The following CDK14 variants were observed in gnomAD, a reference collection of about 807,000 sequenced individuals.
CDK14 encodes the protein cyclin-dependent kinase 14.
Under a neutral mutation model 60.7 loss-of-function variants are expected in CDK14, and 34 were observed. That is an observed-to-expected ratio of 0.56 (90% CI 0.43 to 0.75). The LOEUF is 0.75. Among genes scored for constraint, CDK14 ranks in the 30% least tolerant of loss-of-function variants. The probability of loss-of-function intolerance (pLI) is 0.00; values close to 1 mark genes in which losing one functional copy is unlikely to be tolerated. For missense variants in CDK14, 482 were observed against 564.1 expected, an observed-to-expected ratio of 0.85 and a Z score of 1.47; for synonymous variants, 197 against 203.7, an observed-to-expected ratio of 0.97 and a Z score of 0.28.
chr7:91,173,316 G>C (rs1409842696), intron 14 of CDK14, among the ~76,000 whole-genome samples: 3 of 152,044 alleles, frequency 2.0e-5, no homozygotes, highest in Non-Finnish European at 2.9e-5. Flanking sequence ...TCCAGTTTTG[G>C]GGTGCGATGG....
intron 2 of CDK14, among the ~76,000 whole-genome samples, chr7:90,620,391 CTG>C (rs1312816659): frequency 6.6e-6 from 1 of 152,124 alleles, no homozygotes; most frequent in African/African-American, 2.4e-5. Flanking sequence ...AGCTGAAACT[CTG>C]TGCTCTCCAG....
chr7:90,696,344 T>TCTTCC (rs1367046221), intron 2 of CDK14, among the ~76,000 whole-genome samples: 2 of 133,352 alleles, frequency 1.5e-5, no homozygotes, highest in African/African-American at 5.6e-5. Context: ...TTCTTTTTTT[T>TCTTCC]TTTTTTTTTT....
At chr7:91,115,697 A>T (rs1474142570) in intron 13 of CDK14, among the ~76,000 whole-genome samples, 2 of 152,210 alleles carry the variant, frequency 1.3e-5, no homozygotes, top group African/African-American at 4.8e-5. Context: ...GGCCTAGTGT[A>T]ATATGTCAGA....
chr7:90,941,118 T>G (rs988101001), intron 8 of CDK14, among the ~76,000 whole-genome samples: 2 of 152,072 alleles, frequency 1.3e-5, no homozygotes, highest in Non-Finnish European at 2.9e-5. Context: ...CTTGAGGAAG[T>G]CCACAACAGG....
chr7:91,138,421 T>C (rs1800350153), intron 14 of CDK14, among the ~76,000 whole-genome samples: 1 of 152,158 alleles, frequency 6.6e-6, no homozygotes, highest in South Asian at 2.1e-4. Flanking sequence ...CACACCTAAA[T>C]AGATGGCATT....
At chr7:91,044,409 G>A (rs1797176811) in intron 10 of CDK14, among the ~76,000 whole-genome samples, 1 of 152,168 alleles carries the variant, frequency 6.6e-6, no homozygotes, top group South Asian at 2.1e-4. Flanking sequence ...GAAGCCTCCA[G>A]GTAGCAGGCT....
chr7:90,651,494 C>T (rs1800640486), intron 2 of CDK14, among the ~76,000 whole-genome samples: 1 of 152,114 alleles, frequency 6.6e-6, no homozygotes, highest in Non-Finnish European at 1.5e-5. Context: ...TCTGTGACCC[C>T]TTTTTATTTT....
intron 13 of CDK14, among the ~76,000 whole-genome samples, chr7:91,117,659 G>A (rs1477588655): frequency 6.6e-6 from 1 of 152,020 alleles, no homozygotes; most frequent in Non-Finnish European, 1.5e-5. Flanking sequence ...CCCCCAAATG[G>A]ACTCTATAAC....
chr7:90,913,660 T>C (rs965441455), intron 7 of CDK14, among the ~76,000 whole-genome samples: 2 of 152,180 alleles, frequency 1.3e-5, no homozygotes, highest in African/African-American at 4.8e-5. Context: ...AATATACGTC[T>C]GTTGGGCCTG....
intron 8 of CDK14, among the ~76,000 whole-genome samples, chr7:90,931,331 A>G (rs1037914312): frequency 1.3e-4 from 20 of 152,262 alleles, no homozygotes; most frequent in African/African-American, 4.8e-4. Flanking sequence ...TTGAAAGCAC[A>G]AATGTTGAAG....
intron 4 of CDK14, among the ~76,000 whole-genome samples, chr7:90,751,567 C>CACATAAGT (rs2116825316): frequency 6.6e-6 from 1 of 152,276 alleles, no homozygotes; most frequent in Non-Finnish European, 1.5e-5. Context: ...CACAAAAACA[C>CACATAAGT]ACATAAGTAC....
At chr7:90,678,068 G>T (rs1173947070) in intron 2 of CDK14, among the ~76,000 whole-genome samples, 1 of 152,188 alleles carries the variant, frequency 6.6e-6, no homozygotes, top group African/African-American at 2.4e-5. Context: ...AGCAGAACTG[G>T]TCTTGGTTAT....
chr7:91,182,822 T>C (rs1039041643), intron 14 of CDK14, among the ~76,000 whole-genome samples: 1 of 152,238 alleles, frequency 6.6e-6, no homozygotes, highest in Admixed American at 6.5e-5. Flanking sequence ...TTAGAAAACC[T>C]AATTTTCCAA....
At chr7:91,049,231 G>A (rs888694869) in intron 11 of CDK14, among the ~76,000 whole-genome samples, 1 of 152,024 alleles carries the variant, frequency 6.6e-6, no homozygotes, top group Non-Finnish European at 1.5e-5. Context: ...GAAAACTTTT[G>A]CTTCTTTGAG....
At chr7:90,621,655 T>TTCCTGCCTTCCTGCCTTCCTGCCTTCCTG (rs1554421119) in intron 2 of CDK14, among the ~76,000 whole-genome samples, 2 of 111,642 alleles carry the variant, frequency 1.8e-5, no homozygotes, top group Non-Finnish European at 3.7e-5. Context: ...CTTCCTTCCT[T>TTCCTGCCTTCCTGCCTTCCTGCCTTCCTG]CCTTCCTTCC....
At chr7:91,109,198 T>C (rs1185922256) in intron 12 of CDK14, among the ~76,000 whole-genome samples, 1 of 152,178 alleles carries the variant, frequency 6.6e-6, no homozygotes, top group African/African-American at 2.4e-5. Flanking sequence ...AATGTAATAT[T>C]TTTTAAGCCT....
At chr7:90,904,193 G>A (rs945351765) in intron 7 of CDK14, among the ~76,000 whole-genome samples, 7 of 152,088 alleles carry the variant, frequency 4.6e-5, no homozygotes, top group African/African-American at 7.2e-5. Context: ...AGCAAAAGTC[G>A]TGCCTCAAGG....
In CDK14 at chr7:90,746,527, A is replaced by G. The variant is rs547509157; in HGVS notation, c.370-1154A>G. 8.5e-5 allele frequency among the ~76,000 whole-genome samples: 13 copies of G among 152,350 alleles called. No homozygotes were observed. In the East Asian group the frequency reaches 2.1e-3, roughly 25 times the overall value. On this transcript the variant is annotated intron_variant, in intron 3 of 14. Coordinates refer to ENST00000380050, the MANE Select transcript of CDK14 (RefSeq NM_001287135.2). ...TTTTATGAATTATATGTATATTTAT[A>G]TTGGAATAAATCTCTTTAATAAGAT...
Position 90,726,686 on chromosome 7 carries a change from C to CAA in CDK14, c.243_244insAA (p.Pro82AsnfsTer10). The stretch of plus-strand genomic sequence containing the variant: ...TTCAGAGGACACAGAGCACTTTTGA[C>CAA]CCATTTGAGAAACCAGCTAATCAAG... On this transcript the variant is annotated frameshift_variant, in exon 3 of 15. Transcript: ENST00000380050. LOFTEE classifies it high-confidence loss of function. The CAA allele has an allele frequency of 6.2e-7, 1 of 1,613,862 alleles. No homozygotes were observed.
Sources: gnomAD v4.1 joint callset for allele counts (sites outside exome capture counted in the v4.1 genomes callset) on GRCh38, gnomAD v4.1.1 for gene constraint, MANE v1.5 for transcripts, NCBI Gene and HGNC (gene_info 2026-07-23, HGNC 2026-07-21) for gene names.